CSMD1: variants seen among roughly 807,000 people sequenced by gnomAD.
CSMD1 encodes the protein CUB and sushi domain-containing protein 1.
In CSMD1, 213 loss-of-function variants were observed where a neutral mutation model predicts 417.5. The observed-to-expected ratio is 0.51, with a 90% CI of 0.46 to 0.57. CSMD1 has a LOEUF of 0.57. Ranked by LOEUF, CSMD1 falls within the 20% of genes least tolerant of loss-of-function variation. The pLI is 0.00. For missense variants in CSMD1, 6,923 were observed against 4,529.7 expected, an observed-to-expected ratio of 1.53 and a Z score of -15.17; for synonymous variants, 2,862 against 1,736.8, an observed-to-expected ratio of 1.65 and a Z score of -16.11.
At chr8:3,760,028 C>T (rs1257520772) in intron 5 of CSMD1, among the ~76,000 whole-genome samples, 1 of 152,018 alleles carries the variant, frequency 6.6e-6, no homozygotes, top group Non-Finnish European at 1.5e-5. Flanking sequence ...ACACAGGACA[C>T]ACGCCTGGTG....
intron 2 of CSMD1, among the ~76,000 whole-genome samples, chr8:4,610,325 A>G (rs1337434103): frequency 2.6e-5 from 4 of 152,214 alleles, no homozygotes; most frequent in South Asian, 2.1e-4. Context: ...TAAATTCAAC[A>G]TATCAAGCAC....
chr8:3,538,469 A>C (rs1163279997), intron 10 of CSMD1, among the ~76,000 whole-genome samples: 4 of 151,846 alleles, frequency 2.6e-5, no homozygotes, highest in African/African-American at 4.8e-5. Context: ...GCCTCACCTA[A>C]GATGATACAC....
chr8:4,765,798 A>C (rs1404394939), intron 1 of CSMD1, among the ~76,000 whole-genome samples: 1 of 152,144 alleles, frequency 6.6e-6, no homozygotes, highest in Admixed American at 6.5e-5. Flanking sequence ...GGGGTTGATG[A>C]AAGGTAGCTG....
chr8:3,721,442 C>A (rs1013854890), intron 6 of CSMD1, among the ~76,000 whole-genome samples: 1 of 152,146 alleles, frequency 6.6e-6, no homozygotes, highest in East Asian at 1.9e-4. Flanking sequence ...AAACAGTTAG[C>A]TGGCACATAT....
intron 17 of CSMD1, among the ~76,000 whole-genome samples, chr8:3,395,838 C>G (rs1443313378): frequency 6.6e-6 from 1 of 152,118 alleles, no homozygotes; most frequent in African/African-American, 2.4e-5. Context: ...CCCAGGTTAA[C>G]ATAATTTTAG....
chr8:4,445,510 A>C (rs1048061044), intron 2 of CSMD1, among the ~76,000 whole-genome samples: 1 of 152,178 alleles, frequency 6.6e-6, no homozygotes, highest in South Asian at 2.1e-4. Flanking sequence ...CCAATTTTAT[A>C]CTTCATTGGT....
At chr8:4,088,159 C>T (rs373280625) in intron 3 of CSMD1, among the ~76,000 whole-genome samples, 3 of 152,206 alleles carry the variant, frequency 2.0e-5, no homozygotes, top group Non-Finnish European at 4.4e-5. Flanking sequence ...TCAGTAAAGA[C>T]ATGAATATTC....
intron 41 of CSMD1, among the ~76,000 whole-genome samples, chr8:3,135,905 T>C (rs1216352821): frequency 6.6e-6 from 1 of 152,054 alleles, no homozygotes; most frequent in Non-Finnish European, 1.5e-5. Flanking sequence ...CCATGTGTAT[T>C]AGGGCAGAAA....
intron 1 of CSMD1, among the ~76,000 whole-genome samples, chr8:4,881,213 T>C (rs964976132): frequency 1.3e-5 from 2 of 152,138 alleles, no homozygotes; most frequent in African/African-American, 4.8e-5. Flanking sequence ...AAATTATACA[T>C]AGGTCCATTC....
chr8:4,501,652 C>G (rs1032270983), intron 2 of CSMD1, among the ~76,000 whole-genome samples: 1 of 152,156 alleles, frequency 6.6e-6, no homozygotes, highest in African/African-American at 2.4e-5. Context: ...CCATCCCACT[C>G]CATCCCAGCC....
intron 2 of CSMD1, among the ~76,000 whole-genome samples, chr8:4,551,128 T>G (rs1180186924): frequency 1.3e-5 from 2 of 152,214 alleles, no homozygotes; most frequent in East Asian, 1.9e-4. Context: ...GACACTGACC[T>G]GGGTCTGGCA....
chr8:3,304,463 T>G (rs1804658059), intron 25 of CSMD1, among the ~76,000 whole-genome samples: 2 of 152,184 alleles, frequency 1.3e-5, no homozygotes, highest in Admixed American at 6.6e-5. Flanking sequence ...AAATTGCATT[T>G]ATGTTATTCA....
intron 3 of CSMD1, among the ~76,000 whole-genome samples, chr8:4,120,790 A>G (rs1037120137): frequency 3.3e-5 from 5 of 152,346 alleles, no homozygotes; most frequent in African/African-American, 9.6e-5. Context: ...CTTTCCAAAC[A>G]AAAGACAGAA....
intron 2 of CSMD1, among the ~76,000 whole-genome samples, chr8:4,597,110 A>ATTT (rs11136756): frequency 4.0e-5 from 6 of 150,734 alleles, no homozygotes; most frequent in Non-Finnish European, 7.4e-5. Flanking sequence ...ACAACACACA[A>ATTT]TTTTTTTTTT....
chr8:4,165,743 C>G (rs1232759675), intron 3 of CSMD1, among the ~76,000 whole-genome samples: 1 of 152,196 alleles, frequency 6.6e-6, no homozygotes, highest in Non-Finnish European at 1.5e-5. Context: ...CTAAGCATCT[C>G]ATCATTTCTT....
rs183864791 is a variant in CSMD1 at position 2,974,469 on chromosome 8, C to T, written c.8722G>A (p.Ala2908Thr). Residue 2908 changes from alanine (A) to threonine (T), a missense_variant, in exon 56 of 70, where the codon GCA (alanine) becomes ACA (threonine). Transcript: ENST00000635120. Reference protein sequence around the residue: ...VCQEDSHWSGALPHCTGNNPG... With the variant: ...VCQEDSHWSGTLPHCTGNNPG... ...CCCTCACCTGTGCAGTGGGGCAGTG[C>T]CCCGCTCCAGTGACTGTCTTCCTGG... The T allele has an allele frequency of 8.7e-6, 14 of 1,609,908 alleles. No individual in the cohort carries two copies. The Admixed American group carries it at 1.8e-4, about 21-fold the overall frequency.
chr8:4,016,593 T>TC (rs1796535687), intron 4 of CSMD1, among the ~76,000 whole-genome samples: 1 of 152,154 alleles, frequency 6.6e-6, no homozygotes, highest in African/African-American at 2.4e-5. Flanking sequence ...AAAAAGCCTT[T>TC]CCCCAGATGA....
intron 46 of CSMD1, among the ~76,000 whole-genome samples, chr8:3,102,644 A>C (rs1374606784): frequency 6.6e-6 from 1 of 152,190 alleles, no homozygotes; most frequent in East Asian, 1.9e-4. Flanking sequence ...CTTCTGAGGG[A>C]GGCCACTCTC....
chr8:4,022,820 C>T (rs1796856702), intron 4 of CSMD1, among the ~76,000 whole-genome samples: 1 of 151,950 alleles, frequency 6.6e-6, no homozygotes, highest in African/African-American at 2.4e-5. Flanking sequence ...AGAAACAATT[C>T]AGTGGTCTTC....
Sources: allele counts gnomAD v4.1 joint callset (sites outside exome capture counted in the v4.1 genomes callset), GRCh38; gene constraint gnomAD v4.1.1; transcripts MANE v1.5; gene names NCBI Gene and HGNC (gene_info 2026-07-23, HGNC 2026-07-21).